The following SCN7A variants were observed in gnomAD, a reference collection of about 807,000 sequenced individuals.
The protein encoded by SCN7A is sodium channel protein type 7 subunit alpha.
SCN7A carries 138 observed loss-of-function variants against 155.2 expected under a neutral mutation model. That is an observed-to-expected ratio of 0.89 (90% confidence interval 0.77 to 1.02). SCN7A has a LOEUF of 1.02. SCN7A is among the 50% of genes least tolerant of loss of function. SCN7A has a pLI of 0.00. For missense variants in SCN7A, 2,058 were observed against 1,986.6 expected (o/e 1.04, Z -0.68); for synonymous variants, 693 against 649.0 (o/e 1.07, Z -1.03).
At chr2:166,477,051 CA>C (rs1702814708) in intron 3 of SCN7A, among the ~76,000 whole-genome samples, 1 of 151,952 alleles carries the variant, frequency 6.6e-6, no homozygotes, top group Admixed American at 6.6e-5. Flanking sequence ...TGATAAATAA[CA>C]TACGGGTTGT....
intron 1 of SCN7A, among the ~76,000 whole-genome samples, chr2:166,487,172 G>T (rs188198861): frequency 6.6e-6 from 1 of 152,286 alleles, no homozygotes; most frequent in Admixed American, 6.5e-5. Context: ...GTTTATGCCT[G>T]TTGTTGAGGA....
chr2:166,406,196 C>A lies in SCN7A; in HGVS notation c.4433G>T (p.Ser1478Ile). ...GATCAGCCATGATATGAGGATATAA[C>A]TGACAAAATAAAAAATCCCAACAGA... is the stretch of plus-strand genomic sequence containing the variant. ...NPSVGIFYFV[S>I]YILISWLIIV... Residue 1478 changes from serine (S) to isoleucine (I), a missense_variant, in exon 26 of 26, where the codon AGT (serine) becomes ATT (isoleucine). Transcript: ENST00000643258. 1 of 1,612,914 alleles carries A rather than the reference C, an allele frequency of 6.2e-7. No homozygotes were observed.
chr2:166,432,300 G>A lies in SCN7A; in HGVS notation c.2592+18C>T. 6.4e-7 allele frequency: 1 copy of A among 1,567,754 alleles called. No homozygotes were observed. Among genetic ancestry groups the A allele is most frequent in the Non-Finnish European group, 8.6e-7 (1 of 1,156,986 alleles). On this transcript the variant is annotated intron_variant, in intron 16 of 25. Transcript: ENST00000643258. ...CTATAAATCACCACTAAGCAATCAG[G>A]ATATTTAAACATCTTACCTCTTTGC...
chr2:166,453,555 A>T lies in SCN7A; in HGVS notation c.1290+3315T>A, dbSNP rs191297288. Among the ~76,000 whole-genome samples, 402 of 152,256 alleles carry T rather than the reference A, an allele frequency of 2.6e-3. 5 individuals are homozygous for T. Among genetic ancestry groups the T allele is most frequent in the African/African-American group, 8.9e-3 (368 of 41,546 alleles). ...CTTTACATGCATTTATTTCATTTGGACCTCACTACAACCCATAAGATAGGT... is the reference window on the plus strand; with the variant it reads ...CTTTACATGCATTTATTTCATTTGGTCCTCACTACAACCCATAAGATAGGT... On this transcript the variant is annotated intron_variant, in intron 11 of 25. Transcript: ENST00000643258.
chr2:166,425,182 C>T (rs1271232394), intron 18 of SCN7A, among the ~76,000 whole-genome samples: 4 of 152,072 alleles, frequency 2.6e-5, no homozygotes, highest in Non-Finnish European at 5.9e-5. Flanking sequence ...TATGAAGAGG[C>T]CTACAATAGG....
chr2:166,444,669 C>T (rs917154021), intron 13 of SCN7A, 93 bp downstream of exon 13: 6 of 722,900 alleles, frequency 8.3e-6, no homozygotes, highest in South Asian at 1.9e-5. Context: ...ATTGGAGTTA[C>T]AGAATAAAAT....
Position 166,486,861 on chromosome 2 carries a change from G to C in SCN7A, c.-20C>G, listed in dbSNP as rs1453054307. On this transcript the variant is annotated 5_prime_UTR_variant, in exon 2 of 26. Coordinates refer to ENST00000643258, the MANE Select transcript of SCN7A (RefSeq NM_002976.4). ...GGAGTTGCTGAGGCAAATACCTGTTGAACAACAGCACTTCTCCAGAAGATC... is the reference window on the plus strand; with the variant it reads ...GGAGTTGCTGAGGCAAATACCTGTTCAACAACAGCACTTCTCCAGAAGATC... The C allele has an allele frequency of 6.6e-6, 1 of 151,606 alleles. No individual in the cohort carries two copies. The highest frequency in any genetic ancestry group is 2.4e-5 in the African/African-American group (1 of 41,196). 9.4% of individuals were successfully genotyped at this position (151,606 alleles called of 1,614,324 possible).
chr2:166,427,211 C>A (rs1221494946), intron 18 of SCN7A, among the ~76,000 whole-genome samples: 1 of 152,008 alleles, frequency 6.6e-6, no homozygotes, highest in South Asian at 2.1e-4. Context: ...TATTACAGAC[C>A]TTCTTTTCTA....
chr2:166,428,263 C>G (rs893781566), intron 17 of SCN7A, among the ~76,000 whole-genome samples: 2 of 152,052 alleles, frequency 1.3e-5, no homozygotes, highest in Non-Finnish European at 2.9e-5. Context: ...AAAATACACA[C>G]AAATATCTCA....
intron 11 of SCN7A, among the ~76,000 whole-genome samples, chr2:166,448,994 C>G (rs1702123064): frequency 6.6e-6 from 1 of 152,118 alleles, no homozygotes; most frequent in African/African-American, 2.4e-5. Context: ...GTAGGACAGG[C>G]ATAATTCTGT....
rs1422677889 is a variant in SCN7A, at chr2:166,405,571, T to C, written c.*9A>G. 2 of 1,523,444 alleles carry C rather than the reference T, an allele frequency of 1.3e-6. No homozygotes were observed. The highest frequency in any genetic ancestry group is 1.9e-4 in the Middle Eastern group (1 of 5,370). The allele number at this position is 1,523,444 out of a possible 1,614,324, so 94.4% of individuals were successfully genotyped here. A position where few individuals can be genotyped will look rare whatever the true frequency, so the allele number is the denominator to read the frequency against. On this transcript the variant is annotated 3_prime_UTR_variant, in exon 26 of 26. Coordinates refer to ENST00000643258, the MANE Select transcript of SCN7A (RefSeq NM_002976.4). ...TGTGAAGAAATATGAAAAGAGGTGGTAAGTGGTATTAGATCTGGCTTTGAA... is the reference window on the plus strand; with the variant it reads ...TGTGAAGAAATATGAAAAGAGGTGGCAAGTGGTATTAGATCTGGCTTTGAA...
chr2:166,427,921 AG>A lies in SCN7A; in HGVS notation c.2719del (p.Gly908ValfsTer24), dbSNP rs749947260. On this transcript the variant is annotated frameshift_variant, in exon 18 of 26. Coordinates refer to ENST00000643258, the MANE Select transcript of SCN7A (RefSeq NM_002976.4). LOFTEE classifies it high-confidence loss of function. ...CTTGGATGCTCCACTGATTTGACCAAGTGAAGATCCGCGTCTGCAACCTGTC... is the reference window on the plus strand; with the variant it reads ...CTTGGATGCTCCACTGATTTGACCAATGAAGATCCGCGTCTGCAACCTGTC... ...LKNGCRRGSS[L>X]GQISGASKKG... 6.2e-7 allele frequency: 1 copy of A among 1,612,798 alleles called. No individual in the cohort carries two copies. The highest frequency in any genetic ancestry group is 2.2e-5 in the East Asian group (1 of 44,836).
intron 12 of SCN7A, among the ~76,000 whole-genome samples, chr2:166,445,453 T>C (rs1055434314): frequency 1.3e-5 from 2 of 152,150 alleles, no homozygotes; most frequent in African/African-American, 2.4e-5. Context: ...ATTTTGACTT[T>C]TGCATGCAAA....
chr2:166,465,498 C>G lies in SCN7A; in HGVS notation c.905G>C (p.Arg302Thr), dbSNP rs772005366. 1.9e-6 allele frequency: 3 copies of G among 1,608,902 alleles called. No individual in the cohort carries two copies. The African/African-American group carries it at 4.0e-5, about 21-fold the overall frequency. Residue 302 changes from arginine (R) to threonine (T), a missense_variant, in exon 9 of 26, where the codon AGA (arginine) becomes ACA (threonine). Arg to Thr is a moderately conservative substitution (Grantham distance 71). Transcript: ENST00000643258. ...TENFYYLEGERYALLCGNRTD... is the reference protein window; with the variant it reads ...TENFYYLEGETYALLCGNRTD... ...CCTGTTGCCACAAAGGAGAGCATAT[C>G]TTTCTCCTTCCAAATAATAAAAGTT... is the stretch of plus-strand genomic sequence containing the variant.
In SCN7A at chr2:166,423,240, T is replaced by A; in HGVS notation, c.3027+19A>T. 6.3e-7 allele frequency: 1 copy of A among 1,592,422 alleles called. No homozygotes were observed. The highest frequency in any genetic ancestry group is 1.4e-5 in the African/African-American group (1 of 73,442). ...AAAAAGTAAATCAAATAGCCTTTCA[T>A]TTTCTTTAAAATACGTACAATAACA... On this transcript the variant is annotated intron_variant, in intron 19 of 25. Transcript: ENST00000643258.
At chr2:166,436,387 C>T (rs1257099955) in intron 15 of SCN7A, 2 of 443,710 alleles carry the variant, frequency 4.5e-6, no homozygotes, top group Admixed American at 2.4e-5. Flanking sequence ...ATGTGAAGGA[C>T]ATGCCTGCTT....
intron 6 of SCN7A, 41 bp from the exon 7 acceptor site, chr2:166,470,747 T>C: frequency 1.3e-6 from 2 of 1,526,926 alleles, no homozygotes; most frequent in South Asian, 1.3e-5. Context: ...TCATATTACA[T>C]CTGTGCTACT....
At chr2:166,431,657 G>A (rs1701734125) in intron 16 of SCN7A, among the ~76,000 whole-genome samples, 1 of 151,996 alleles carries the variant, frequency 6.6e-6, no homozygotes, top group Non-Finnish European at 1.5e-5. Context: ...GAAGCTAAGT[G>A]AACAGCAGTA....
At position 166,467,795 on chromosome 2, in the gene SCN7A, G is replaced by A. The variant is rs1702569572; in HGVS notation, c.665-1808C>T. Among the ~76,000 whole-genome samples, 11 of 151,608 alleles carry A rather than the reference G, an allele frequency of 7.3e-5. No homozygotes were observed. The South Asian group carries it at 2.3e-3, about 32-fold the overall frequency. On this transcript the variant is annotated intron_variant, in intron 7 of 25. Coordinates refer to ENST00000643258, the MANE Select transcript of SCN7A (RefSeq NM_002976.4). ...AGTAAGTCTATTATAGAGTTTAATT[G>A]TATTTCTGACTTCATATTAAAGTCT...
Sources: gnomAD v4.1 joint callset for allele counts (sites outside exome capture counted in the v4.1 genomes callset) on GRCh38, gnomAD v4.1.1 for gene constraint, MANE v1.5 for transcripts, NCBI Gene and HGNC (gene_info 2026-07-23, HGNC 2026-07-21) for gene names.